Variants in CEMIP2 observed in about 807,000 individuals in gnomAD.
CEMIP2 encodes cell surface hyaluronidase CEMIP2.
A neutral mutation model predicts 146.9 loss-of-function variants in CEMIP2; 79 were observed. The observed-to-expected ratio is 0.54, with a 90% CI of 0.45 to 0.65. The LOEUF is 0.65. CEMIP2 is among the 30% of genes least tolerant of loss of function. The pLI is 0.00. For synonymous variants in CEMIP2, 601 were observed against 606.3 expected, an observed-to-expected ratio of 0.99 and a Z score of 0.13; for missense variants, 1,596 against 1,696.2, an observed-to-expected ratio of 0.94 and a Z score of 1.04.
intron 4 of CEMIP2, among the ~76,000 whole-genome samples, chr9:71,742,199 G>A (rs544393355): frequency 7.2e-5 from 11 of 152,220 alleles, no homozygotes; most frequent in South Asian, 2.1e-4. Flanking sequence ...TTCCACAGCC[G>A]CCCCTGTATG....
intron 1 of CEMIP2, among the ~76,000 whole-genome samples, chr9:71,762,882 C>T (rs1455721650): frequency 6.6e-6 from 1 of 151,988 alleles, no homozygotes; most frequent in Non-Finnish European, 1.5e-5. Flanking sequence ...CATGGTGGTG[C>T]ATGCCTGTAC....
chr9:71,727,009 G>A (rs1181790311), intron 10 of CEMIP2, among the ~76,000 whole-genome samples: 1 of 152,134 alleles, frequency 6.6e-6, no homozygotes, highest in African/African-American at 2.4e-5. Context: ...AAAAGGCAGT[G>A]GAAAGGTACA....
intron 17 of CEMIP2, among the ~76,000 whole-genome samples, chr9:71,707,585 A>C (rs1822784825): frequency 6.6e-6 from 1 of 152,200 alleles, no homozygotes; most frequent in South Asian, 2.1e-4. Flanking sequence ...CAATTATTGA[A>C]AGCTCAGGTG....
chr9:71,701,106 T>TTTG (rs375436459), intron 18 of CEMIP2, among the ~76,000 whole-genome samples: 1 of 152,174 alleles, frequency 6.6e-6, no homozygotes, highest in Non-Finnish European at 1.5e-5. Context: ...TTTTTGTTTT[T>TTTG]TTGTTGTTGT....
intron 2 of CEMIP2, 132 bp from the exon 3 acceptor site, chr9:71,746,473 T>C (rs1277047670): frequency 1.0e-5 from 11 of 1,053,740 alleles, no homozygotes; most frequent in Non-Finnish European, 1.5e-5. Flanking sequence ...GCCATTAGAA[T>C]GGAAATCCCA....
chr9:71,742,134 A>G (rs1823939451), intron 4 of CEMIP2, among the ~76,000 whole-genome samples: 1 of 152,248 alleles, frequency 6.6e-6, no homozygotes. Context: ...TGTCTGACAG[A>G]TGGCTAGATA....
chr9:71,701,629 C>G (rs959847697), intron 18 of CEMIP2, among the ~76,000 whole-genome samples: 1 of 151,908 alleles, frequency 6.6e-6, no homozygotes, highest in East Asian at 1.9e-4. Context: ...AGGATGAGTT[C>G]CTAGTGGGAA....
Position 71,739,999 on chromosome 9 carries a change from G to GAA in CEMIP2, c.1204+62_1204+63dup, listed in dbSNP as rs200855186. ...TCATTTGAACATAATACTATTCTTAGAAAAAAAAAATCTGTCATAATACTT... is the reference window on the plus strand; with the variant it reads ...TCATTTGAACATAATACTATTCTTAGAAAAAAAAAAAATCTGTCATAATACTT... On this transcript the variant is annotated intron_variant, in intron 5 of 23. Coordinates refer to ENST00000377044, the MANE Select transcript of CEMIP2 (RefSeq NM_013390.3). The GAA allele has an allele frequency of 7.3e-6, 10 of 1,373,242 alleles. No individual in the cohort carries two copies. The Admixed American group carries it at 9.1e-5, about 12-fold the overall frequency. The allele number at this position is 1,373,242 out of a possible 1,614,324, so 85.1% of individuals were successfully genotyped here.
intron 4 of CEMIP2, among the ~76,000 whole-genome samples, chr9:71,741,009 T>C (rs1823897714): frequency 6.6e-6 from 1 of 152,088 alleles, no homozygotes; most frequent in Non-Finnish European, 1.5e-5. Context: ...CACCATACTT[T>C]GAAAACCCCT....
chr9:71,698,610 G>GT (rs2131874695), intron 19 of CEMIP2, among the ~76,000 whole-genome samples: 1 of 151,788 alleles, frequency 6.6e-6, no homozygotes, highest in South Asian at 2.1e-4. Context: ...AATCATTTTG[G>GT]TTAAGGCATA....
Position 71,745,290 on chromosome 9 carries a change from A to C in CEMIP2, c.762T>G (p.Phe254Leu). ...AGTCCTTTTCAAAGGTATAGGACCC[A>C]AAGGGCAAGCCTGAGGAATTCAGGG... is the stretch of plus-strand genomic sequence containing the variant. Reference protein sequence around the residue: ...ARTLNSSGLPFGSYTFEKDFS... With the variant: ...ARTLNSSGLPLGSYTFEKDFS... Residue 254 changes from phenylalanine to leucine, a missense_variant, in exon 4 of 24, where the codon TTT becomes TTG. Physicochemically the swap from Phe to Leu is conservative, Grantham distance 22 (BLOSUM62 0). Coordinates refer to ENST00000377044, the MANE Select transcript of CEMIP2 (RefSeq NM_013390.3). The C allele has an allele frequency of 6.2e-7, 1 of 1,614,090 alleles. No individual in the cohort carries two copies. Among genetic ancestry groups the C allele is most frequent in the East Asian group, 2.2e-5 (1 of 44,868 alleles).
At chr9:71,763,317 G>T (rs12555693) in intron 1 of CEMIP2, among the ~76,000 whole-genome samples, 1 of 152,130 alleles carries the variant, frequency 6.6e-6, no homozygotes, top group South Asian at 2.1e-4. Context: ...CCCCCAAATC[G>T]ATAACAATTT....
chr9:71,697,233 C>T (rs1822428638), intron 20 of CEMIP2, among the ~76,000 whole-genome samples: 1 of 152,214 alleles, frequency 6.6e-6, no homozygotes, highest in Non-Finnish European at 1.5e-5. Flanking sequence ...AACCATTTCC[C>T]TTAGCCCATA....
At position 71,709,256 on chromosome 9, in the gene CEMIP2, T is replaced by A; in HGVS notation, c.2985+3A>T. The A allele has an allele frequency of 6.2e-7, 1 of 1,614,114 alleles. No homozygotes were observed. Among genetic ancestry groups the A allele is most frequent in the Non-Finnish European group, 8.5e-7 (1 of 1,179,922 alleles). ...TTGAGCATTATACATTTGCTAAGCC[T>A]ACCTGTGCATAGGTCCCACTGCAGA... On this transcript the variant is annotated splice_donor_region_variant and intron_variant, in intron 17 of 23. Transcript: ENST00000377044.
chr9:71,718,970 G>C lies in CEMIP2; in HGVS notation c.2268-891C>G, dbSNP rs576853885. ...ACAGTTATAAGGACCTTACTGAAAAGGTAAAAACAGTTGGTGTCAAAAACT... is the reference window on the plus strand; with the variant it reads ...ACAGTTATAAGGACCTTACTGAAAACGTAAAAACAGTTGGTGTCAAAAACT... On this transcript the variant is annotated intron_variant, in intron 12 of 23. Coordinates refer to ENST00000377044, the MANE Select transcript of CEMIP2 (RefSeq NM_013390.3). 2.3e-4 allele frequency among the ~76,000 whole-genome samples: 35 copies of C among 152,176 alleles called. No individual in the cohort carries two copies. In the Middle Eastern group the frequency reaches 0.017, roughly 74 times the overall value.
At chr9:71,769,074 A>T (rs905905872), upstream of CEMIP2, among the ~76,000 whole-genome samples, 16 of 152,052 alleles carry the variant, frequency 1.1e-4, no homozygotes, top group Admixed American at 1.3e-4. Flanking sequence ...GCCCGAGCGC[A>T]CTGCCGGCGG....
At position 71,712,168 on chromosome 9, in the gene CEMIP2, T is replaced by C; in HGVS notation, c.2684A>G (p.Tyr895Cys). The change falls in exon 16 of 24, where the codon TAC becomes TGC. Residue 895 changes from tyrosine (Y) to cysteine (C), a missense_variant. Coordinates refer to ENST00000377044, the MANE Select transcript of CEMIP2 (RefSeq NM_013390.3). ...FKKYVPTPDRYSSAIGFLMKN... is the reference protein window; with the variant it reads ...FKKYVPTPDRCSSAIGFLMKN... ...CATGAGGAAGCCAATTGCACTGCTG[T>C]ACCTATCTGGAGTTGGCACATATTT... The C allele has an allele frequency of 6.2e-7, 1 of 1,614,228 alleles. No homozygotes were observed. Among genetic ancestry groups the C allele is most frequent in the African/African-American group, 1.3e-5 (1 of 75,066 alleles).
chr9:71,694,143 G>A (rs1247675832), intron 21 of CEMIP2, among the ~76,000 whole-genome samples: 1 of 137,540 alleles, frequency 7.3e-6, no homozygotes, highest in Admixed American at 7.3e-5. Flanking sequence ...TTATTTTGGA[G>A]ACAGAGTCTC....
At chr9:71,691,727 T>C (rs1822232698) in intron 21 of CEMIP2, among the ~76,000 whole-genome samples, 2 of 152,016 alleles carry the variant, frequency 1.3e-5, no homozygotes, top group African/African-American at 4.8e-5. Context: ...TCTCAGCTAC[T>C]TGGGAGGCTG....
Sources: gnomAD v4.1 joint callset for allele counts (sites outside exome capture counted in the v4.1 genomes callset) on GRCh38, gnomAD v4.1.1 for gene constraint, MANE v1.5 for transcripts, NCBI Gene and HGNC (gene_info 2026-07-23, HGNC 2026-07-21) for gene names.